Variants in BRINP3 observed in about 807,000 individuals in gnomAD.
BRINP3 encodes BMP/retinoic acid inducible neural specific 3, also known as BMP/retinoic acid-inducible neural-specific protein 3.
In BRINP3, 19 loss-of-function variants were observed where a neutral mutation model predicts 71.0. The observed-to-expected ratio is 0.27, with a 90% CI of 0.19 to 0.39. The LOEUF (loss-of-function observed/expected upper bound fraction) is 0.39. Among genes scored for constraint, BRINP3 ranks in the 10% least tolerant of loss-of-function variants. BRINP3 has a pLI of 1.00. For synonymous variants in BRINP3, 380 were observed against 337.7 expected (o/e 1.13, Z -1.37); for missense variants, 959 against 940.8 (o/e 1.02, Z -0.25).
At chr1:190,151,618 T>C (rs149021916) in intron 7 of BRINP3, among the ~76,000 whole-genome samples, 1 of 152,182 alleles carries the variant, frequency 6.6e-6, no homozygotes, top group African/African-American at 2.4e-5. Context: ...GACAAAAATA[T>C]GTCCTAGTAA....
intron 1 of BRINP3, among the ~76,000 whole-genome samples, chr1:190,467,412 T>TAACACCAAG (rs901945160): frequency 2.0e-5 from 3 of 151,530 alleles, no homozygotes; most frequent in Non-Finnish European, 4.4e-5. Flanking sequence ...CAAACAAAAC[T>TAACACCAAG]AACACCAAGT....
At chr1:190,188,839 C>A (rs549275312) in intron 6 of BRINP3, among the ~76,000 whole-genome samples, 108 of 152,072 alleles carry the variant, frequency 7.1e-4, no homozygotes, top group Non-Finnish European at 9.9e-4. Context: ...CGGCTCACTG[C>A]AACCTCTGCC....
chr1:190,159,454 T>G (rs1303010858), intron 7 of BRINP3, among the ~76,000 whole-genome samples: 2 of 152,142 alleles, frequency 1.3e-5, no homozygotes, highest in Non-Finnish European at 2.9e-5. Flanking sequence ...AGCTTAGAAG[T>G]ACAACAAGCC....
At chr1:190,162,830 G>A (rs1298088468) in intron 6 of BRINP3, among the ~76,000 whole-genome samples, 1 of 152,006 alleles carries the variant, frequency 6.6e-6, no homozygotes, top group African/African-American at 2.4e-5. Context: ...TAAGAAATAG[G>A]GTTTTAATAT....
chr1:190,261,769 G>A (rs532222563), intron 4 of BRINP3, among the ~76,000 whole-genome samples: 5 of 152,220 alleles, frequency 3.3e-5, no homozygotes, highest in Admixed American at 6.5e-5. Context: ...CAAAGAAATT[G>A]TGAATCTTGT....
chr1:190,141,548 T>G (rs1476793394), intron 7 of BRINP3, among the ~76,000 whole-genome samples: 1 of 145,442 alleles, frequency 6.9e-6, no homozygotes, highest in Non-Finnish European at 1.5e-5. Flanking sequence ...CTCTCTTTCT[T>G]TCTTTCCTTT....
chr1:190,188,245 T>C (rs1186471483), intron 6 of BRINP3, among the ~76,000 whole-genome samples: 1 of 152,178 alleles, frequency 6.6e-6, no homozygotes, highest in Non-Finnish European at 1.5e-5. Context: ...CTTTTGTTTA[T>C]TATTCCTAAC....
At chr1:190,350,373 T>C (rs1379880744) in intron 2 of BRINP3, among the ~76,000 whole-genome samples, 1 of 152,118 alleles carries the variant, frequency 6.6e-6, no homozygotes, top group African/African-American at 2.4e-5. Context: ...TACAAACTAC[T>C]GGCAATGCTC....
intron 2 of BRINP3, among the ~76,000 whole-genome samples, chr1:190,411,007 C>A (rs1288177789): frequency 6.6e-6 from 1 of 152,008 alleles, no homozygotes; most frequent in Non-Finnish European, 1.5e-5. Context: ...AAAACCAAGA[C>A]GACTCCTGAT....
At chr1:190,127,828 G>A (rs1256126411) in intron 7 of BRINP3, among the ~76,000 whole-genome samples, 1 of 151,780 alleles carries the variant, frequency 6.6e-6, no homozygotes, top group Non-Finnish European at 1.5e-5. Context: ...TGGACTGGGA[G>A]AGTGAGTGAA....
At chr1:190,229,253 C>T (rs1657707546) in intron 5 of BRINP3, among the ~76,000 whole-genome samples, 1 of 151,910 alleles carries the variant, frequency 6.6e-6, no homozygotes, top group Admixed American at 6.6e-5. Context: ...GTAATAGAAT[C>T]ATGGAGGAAG....
At chr1:190,462,499 C>A (rs1453678926) in intron 1 of BRINP3, among the ~76,000 whole-genome samples, 1 of 152,010 alleles carries the variant, frequency 6.6e-6, no homozygotes, top group Non-Finnish European at 1.5e-5. Flanking sequence ...AATTGAATAG[C>A]CTGTTCCTCT....
chr1:190,230,350 A>T (rs1208088813), intron 5 of BRINP3, among the ~76,000 whole-genome samples: 1 of 151,988 alleles, frequency 6.6e-6, no homozygotes, highest in Non-Finnish European at 1.5e-5. Flanking sequence ...CAAATAGCTA[A>T]GTAAAAATGA....
In BRINP3 at chr1:190,158,585, T is replaced by C. The variant is rs1206047155; in HGVS notation, c.1184+2083A>G. On this transcript the variant is annotated intron_variant, in intron 7 of 7. Coordinates refer to ENST00000367462, the MANE Select transcript of BRINP3 (RefSeq NM_199051.3). ...ATGCAATATACCTATAAAACAAATG[T>C]GTACATTTACCACCTGAATCTAAAA... Among the ~76,000 whole-genome samples the C allele has an allele frequency of 5.3e-5, 8 of 152,034 alleles. No homozygotes were observed. In the East Asian group the frequency reaches 1.4e-3, roughly 26 times the overall value.
chr1:190,266,905 A>G (rs1252354931), intron 3 of BRINP3, among the ~76,000 whole-genome samples: 1 of 152,340 alleles, frequency 6.6e-6, no homozygotes. Flanking sequence ...TAGATTAAAA[A>G]TAAAGCTAAG....
intron 2 of BRINP3, among the ~76,000 whole-genome samples, chr1:190,305,280 T>C (rs576358600): frequency 6.6e-6 from 1 of 151,792 alleles, no homozygotes; most frequent in Non-Finnish European, 1.5e-5. Flanking sequence ...GAAATCAGTG[T>C]GTGGGAGAGA....
At chr1:190,449,559 G>A (rs1438180258) in intron 2 of BRINP3, among the ~76,000 whole-genome samples, 1 of 145,082 alleles carries the variant, frequency 6.9e-6, no homozygotes, top group African/African-American at 2.5e-5. Flanking sequence ...TTGTATTATA[G>A]CATGTATATA....
chr1:190,101,686 T>A (rs943778603), intron 7 of BRINP3, among the ~76,000 whole-genome samples: 1 of 152,142 alleles, frequency 6.6e-6, no homozygotes, highest in Non-Finnish European at 1.5e-5. Flanking sequence ...CAGATGAAAA[T>A]TATATTTTCT....
At chr1:190,428,730 A>G (rs927550913) in intron 2 of BRINP3, among the ~76,000 whole-genome samples, 1 of 152,088 alleles carries the variant, frequency 6.6e-6, no homozygotes, top group African/African-American at 2.4e-5. Flanking sequence ...CCTTGATTTG[A>G]TCTTTATACA....
Sources: allele counts gnomAD v4.1 joint callset (sites outside exome capture counted in the v4.1 genomes callset), GRCh38; gene constraint gnomAD v4.1.1; transcripts MANE v1.5; gene names NCBI Gene and HGNC (gene_info 2026-07-23, HGNC 2026-07-21).